HNRNPD: variants seen among roughly 807,000 people sequenced by gnomAD.
HNRNPD encodes heterogeneous nuclear ribonucleoprotein D0.
In HNRNPD, 3 loss-of-function variants were observed where a neutral mutation model predicts 47.9. The ratio of observed to expected loss-of-function variants is 0.06; its 90% CI spans 0.03 to 0.16. The LOEUF is 0.16. HNRNPD is among the 10% of genes least tolerant of loss of function. The pLI, the probability that HNRNPD is intolerant of heterozygous loss-of-function variation, is 1.00. For missense variants in HNRNPD, 287 were observed against 454.2 expected, an observed-to-expected ratio of 0.63 and a Z score of 3.35; for synonymous variants, 171 against 165.1, an observed-to-expected ratio of 1.04 and a Z score of -0.28.
chr4:82,366,206 G>C (rs186711747), intron 2 of HNRNPD, among the ~76,000 whole-genome samples: 1 of 152,222 alleles, frequency 6.6e-6, no homozygotes, highest in East Asian at 1.9e-4. Context: ...CTACTAAAAA[G>C]CGAAGTTGAA....
chr4:82,359,726 C>T, intron 2 of HNRNPD, 87 bp from the exon 3 acceptor site: 1 of 773,044 alleles, frequency 1.3e-6, no homozygotes, highest in East Asian at 2.6e-5. Context: ...TTCCAAACTG[C>T]ACCAGTTTAC....
At chr4:82,358,853 T>C (rs1405401104) in intron 3 of HNRNPD, 33 bp from the exon 4 acceptor site, 5 of 1,482,216 alleles carry the variant, frequency 3.4e-6, no homozygotes, top group East Asian at 2.3e-5. Flanking sequence ...TTAAAAAATA[T>C]ATATCTTAAC....
chr4:82,367,599 G>A (rs1245460950), intron 2 of HNRNPD, among the ~76,000 whole-genome samples: 1 of 152,060 alleles, frequency 6.6e-6, no homozygotes, highest in Non-Finnish European at 1.5e-5. Context: ...AGACTTCCTG[G>A]CTGTGTGGGC....
At chr4:82,362,120 T>C (rs1719482236) in intron 2 of HNRNPD, among the ~76,000 whole-genome samples, 1 of 152,214 alleles carries the variant, frequency 6.6e-6, no homozygotes, top group African/African-American at 2.4e-5. Flanking sequence ...ATACTTCAAA[T>C]ACAGTAATCA....
At chr4:82,368,565 C>T (rs551971005) in intron 2 of HNRNPD, among the ~76,000 whole-genome samples, 8 of 152,124 alleles carry the variant, frequency 5.3e-5, no homozygotes, top group Non-Finnish European at 1.0e-4. Flanking sequence ...TAATACTCTT[C>T]GCTTAAATGT....
At chr4:82,358,544 G>T in intron 4 of HNRNPD, 115 bp downstream of exon 4, 1 of 891,514 alleles carries the variant, frequency 1.1e-6, no homozygotes. Flanking sequence ...TTCCAAAACA[G>T]ATCACATAAT....
chr4:82,373,312 G>A (rs1052234059), intron 1 of HNRNPD, 134 bp downstream of exon 1: 1 of 1,207,696 alleles, frequency 8.3e-7, no homozygotes, highest in Non-Finnish European at 1.1e-6. Context: ...ATAGAAAAAG[G>A]GAGACCAGTG....
intron 2 of HNRNPD, among the ~76,000 whole-genome samples, chr4:82,366,176 G>A (rs1719745980): frequency 6.6e-6 from 1 of 152,074 alleles, no homozygotes; most frequent in African/African-American, 2.4e-5. Context: ...TCACACTTTA[G>A]AATGAACCTA....
At chr4:82,359,003 AG>A (rs971116494) in intron 3 of HNRNPD, among the ~76,000 whole-genome samples, 183 bp from the exon 4 acceptor site, 3 of 152,206 alleles carry the variant, frequency 2.0e-5, no homozygotes, top group African/African-American at 7.2e-5. Context: ...TTAAATCTAA[AG>A]GTAAGAATGG....
chr4:82,356,451 G>T (rs1723716591), intron 7 of HNRNPD, 86 bp downstream of exon 7: 1 of 1,084,832 alleles, frequency 9.2e-7, no homozygotes, highest in Non-Finnish European at 1.3e-6. Flanking sequence ...TTTGCACTTG[G>T]CAAGGCTACA....
chr4:82,360,745 G>C (rs1236676719), intron 2 of HNRNPD, among the ~76,000 whole-genome samples: 1 of 152,110 alleles, frequency 6.6e-6, no homozygotes, highest in Admixed American at 6.5e-5. Context: ...TCTCCATCTT[G>C]TGGGCTTTTA....
intron 2 of HNRNPD, among the ~76,000 whole-genome samples, chr4:82,366,351 C>A (rs1719756763): frequency 6.6e-6 from 1 of 152,158 alleles, no homozygotes; most frequent in Non-Finnish European, 1.5e-5. Context: ...TCAAGCTCTT[C>A]TCCTGCCTCA....
At chr4:82,361,082 A>G (rs1474759763) in intron 2 of HNRNPD, among the ~76,000 whole-genome samples, 4 of 152,220 alleles carry the variant, frequency 2.6e-5, no homozygotes, top group African/African-American at 9.6e-5. Flanking sequence ...GGCATTTTAT[A>G]ATCAAATGAA....
chr4:82,363,987 C>CT (rs1719619518), intron 2 of HNRNPD, among the ~76,000 whole-genome samples: 1 of 152,034 alleles, frequency 6.6e-6, no homozygotes, highest in Non-Finnish European at 1.5e-5. Context: ...CTACTGCTGC[C>CT]TTTTTTTAAG....
At chr4:82,371,643 CTG>C in intron 1 of HNRNPD, 59 bp from the exon 2 acceptor site, 1 of 1,391,560 alleles carries the variant, frequency 7.2e-7, no homozygotes, top group Non-Finnish European at 1.0e-6. Context: ...GTTTTTGACA[CTG>C]TTAGGGTTAA....
intron 2 of HNRNPD, among the ~76,000 whole-genome samples, chr4:82,365,056 T>C (rs1719683035): frequency 6.6e-6 from 1 of 152,180 alleles, no homozygotes; most frequent in East Asian, 1.9e-4. Context: ...TATAACTTCG[T>C]ATTATTTTTA....
intron 3 of HNRNPD, 91 bp downstream of exon 3, chr4:82,359,379 TG>T: frequency 4.7e-6 from 4 of 845,736 alleles, no homozygotes; most frequent in Non-Finnish European, 6.8e-6. Context: ...ACTATCAAAA[TG>T]GGGAACCACA....
chr4:82,355,127 A>G, intron 8 of HNRNPD, 177 bp downstream of exon 8: 2 of 584,562 alleles, frequency 3.4e-6, no homozygotes, highest in South Asian at 4.5e-5. Flanking sequence ...ATAATAGGAC[A>G]AAAAGGCAAA....
Position 82,373,903 on chromosome 4 carries a change from G to T in HNRNPD, c.-225C>A, listed in dbSNP as rs1340225763. ...GCGCACACTCCCGCTCTCTCCCGCT[G>T]CACTAAAAAAGAATAAGCACCAGCG... On this transcript the variant is annotated 5_prime_UTR_variant, in exon 1 of 9. Transcript: ENST00000313899. 2 of 1,075,224 alleles carry T rather than the reference G, an allele frequency of 1.9e-6. No homozygotes were observed. Among genetic ancestry groups the T allele is most frequent in the Non-Finnish European group, 2.5e-6 (2 of 795,308 alleles). The allele number at this position is 1,075,224 out of a possible 1,614,324, so 66.6% of individuals were successfully genotyped here.
Sources: gnomAD v4.1 joint callset for allele counts (sites outside exome capture counted in the v4.1 genomes callset) on GRCh38, gnomAD v4.1.1 for gene constraint, MANE v1.5 for transcripts, NCBI Gene and HGNC (gene_info 2026-07-23, HGNC 2026-07-21) for gene names.